The following PXK variants were observed in gnomAD, a reference collection of about 807,000 sequenced individuals.
The protein encoded by PXK is PX domain containing serine/threonine kinase like.
In PXK, 35 loss-of-function variants were observed where a neutral mutation model predicts 84.7. That is an observed-to-expected ratio of 0.41 (90% CI 0.32 to 0.55). The LOEUF (loss-of-function observed/expected upper bound fraction) is 0.55, where lower values mean the gene tolerates loss of function less well. Ranked by LOEUF, PXK falls within the 20% of genes least tolerant of loss-of-function variation. The pLI is 0.21. For synonymous variants in PXK, 253 were observed against 260.8 expected (o/e 0.97, Z 0.29); for missense variants, 634 against 699.7 (o/e 0.91, Z 1.06).
At chr3:58,342,965 C>T (rs935936976) in intron 1 of PXK, among the ~76,000 whole-genome samples, 1 of 152,200 alleles carries the variant, frequency 6.6e-6, no homozygotes, top group African/African-American at 2.4e-5. Context: ...GTCGCAGCAC[C>T]TCTTTATAAT....
intron 1 of PXK, among the ~76,000 whole-genome samples, chr3:58,336,053 ATATATATATATATATATATTTT>A (rs576853513): frequency 0.078 from 4,799 of 61,202 alleles, 218 homozygotes; most frequent in Admixed American, 0.11. Flanking sequence ...ATATATATAT[ATATATATATATATATATATTTT>A]TTTTTTTTTT....
chr3:58,420,723 A>G, intron 17 of PXK: 7 of 1,447,530 alleles, frequency 4.8e-6, no homozygotes, highest in Admixed American at 2.7e-5. Flanking sequence ...GAAATACAGC[A>G]TCTTTAAAAA....
rs1426785440 is a variant in PXK, at chr3:58,383,059, A to G, written c.388+359A>G. 1.3e-5 allele frequency among the ~76,000 whole-genome samples: 2 copies of G among 152,246 alleles called. No individual in the cohort carries two copies. Among genetic ancestry groups the G allele is most frequent in the Non-Finnish European group, 2.9e-5 (2 of 68,048 alleles). ...ATAATCCCAGCACTTTGGGAGGCCA[A>G]GGCGGTTGGATCACCTGAGGTCAGG... On this transcript the variant is annotated intron_variant, in intron 4 of 17. Transcript: ENST00000356151. This position sits in a 1 kb window ranked among gnomAD's most constrained non-coding sequence, Gnocchi z 4.0.
At chr3:58,338,210 A>G (rs934963198) in intron 1 of PXK, among the ~76,000 whole-genome samples, 5 of 151,678 alleles carry the variant, frequency 3.3e-5, no homozygotes, top group Non-Finnish European at 7.4e-5. Flanking sequence ...GCGTGGTGGC[A>G]CATGGCTGTC....
At chr3:58,420,696 T>C in intron 17 of PXK, 1 of 1,488,454 alleles carries the variant, frequency 6.7e-7, no homozygotes. Context: ...ACTATTTCCT[T>C]ATCTGAATAT....
chr3:58,413,171 G>C, intron 17 of PXK: 1 of 609,906 alleles, frequency 1.6e-6, no homozygotes, highest in South Asian at 2.0e-5. Context: ...GGAATGGACC[G>C]GTTTCAGGGC....
At chr3:58,405,400 C>T (rs9844128) in intron 13 of PXK, among the ~76,000 whole-genome samples, 10,668 of 152,096 alleles carry the variant, frequency 0.07, 480 homozygotes, top group South Asian at 0.1. Context: ...AGAAATGGCC[C>T]GGGCGTGGTG....
At chr3:58,372,707 A>G (rs2098393448) in intron 3 of PXK, among the ~76,000 whole-genome samples, 1 of 151,112 alleles carries the variant, frequency 6.6e-6, no homozygotes, top group East Asian at 1.9e-4. Context: ...GCTCACTGCA[A>G]TCTCTGCCTC....
chr3:58,387,135 G>A (rs1576409020), intron 4 of PXK, among the ~76,000 whole-genome samples: 1 of 152,138 alleles, frequency 6.6e-6, no homozygotes, highest in African/African-American at 2.4e-5. Context: ...GGGGCGCCTG[G>A]TACAACTGAG....
chr3:58,390,979 A>C lies in PXK; in HGVS notation c.467-168A>C, dbSNP rs1348283088. ...ATTTCTTCATTTACTGTTTCTTTTT[A>C]AGTATAGCCTTTACTATGCCAACGT... On this transcript the variant is annotated intron_variant, in intron 5 of 17. Coordinates refer to ENST00000356151, the MANE Select transcript of PXK (RefSeq NM_017771.5). The surrounding 1 kb of genome is among the most constrained non-coding windows in gnomAD (Gnocchi z 4.2). Among the ~76,000 whole-genome samples the C allele has an allele frequency of 6.6e-6, 1 of 152,096 alleles. No individual in the cohort carries two copies. The highest frequency in any genetic ancestry group is 1.5e-5 in the Non-Finnish European group (1 of 68,018).
Position 58,385,065 on chromosome 3 carries a change from T to C in PXK, c.388+2365T>C, listed in dbSNP as rs11130633. Among the ~76,000 whole-genome samples, 92,713 of 151,962 alleles carry C rather than the reference T, an allele frequency of 0.61. 29,324 individuals carry two copies. The highest frequency in any genetic ancestry group is 0.81 in the East Asian group (4,169 of 5,178). On this transcript the variant is annotated intron_variant, in intron 4 of 17. Transcript: ENST00000356151. The surrounding 1 kb of genome is among the most constrained non-coding windows in gnomAD (Gnocchi z 5.1). ...GAAGGTTGTCTATTCTGACAGTTGT[T>C]GGTTCTCTGCTTTTTTCTGTACCTG...
At chr3:58,375,683 A>C (rs776751439) in intron 3 of PXK, among the ~76,000 whole-genome samples, 7 of 152,228 alleles carry the variant, frequency 4.6e-5, no homozygotes, top group Non-Finnish European at 1.0e-4. Context: ...TGTACAGGTT[A>C]GGTGAACCAG....
intron 8 of PXK, 61 bp downstream of exon 8, chr3:58,395,163 T>C (rs1013884914): frequency 8.8e-6 from 11 of 1,246,992 alleles, no homozygotes; most frequent in Admixed American, 1.7e-5. Flanking sequence ...CTGTTATTGA[T>C]ACTTAGTCTC....
intron 1 of PXK, among the ~76,000 whole-genome samples, chr3:58,365,308 G>A (rs915986829): frequency 1.3e-5 from 2 of 152,228 alleles, no homozygotes; most frequent in Middle Eastern, 3.4e-3. Flanking sequence ...GTTTCCAACT[G>A]TTGTGGAGAT....
intron 1 of PXK, among the ~76,000 whole-genome samples, chr3:58,350,255 A>G (rs1176411608): frequency 6.6e-6 from 1 of 152,168 alleles, no homozygotes; most frequent in Non-Finnish European, 1.5e-5. Context: ...ACTTGTACAT[A>G]ACTTCTAGGT....
rs139370668 is a variant in PXK at position 58,403,734 on chromosome 3, C to T, written c.1182-128C>T. The T allele has an allele frequency of 2.6e-3, 1,156 of 445,446 alleles. 3 individuals carry two copies. Among genetic ancestry groups the T allele is most frequent in the Non-Finnish European group, 3.5e-3 (903 of 255,144 alleles). 27.6% of individuals were successfully genotyped at this position (445,446 alleles called of 1,614,324 possible). A position where few individuals can be genotyped will look rare whatever the true frequency, so the allele number is the denominator to read the frequency against. ...ATGAACATGGAATGGTGGATTGGGC[C>T]AGGGGCTGGAGGATGTGGTGCAGGG... On this transcript the variant is annotated intron_variant, in intron 12 of 17. Transcript: ENST00000356151.
At chr3:58,356,676 T>C (rs1320207527) in intron 1 of PXK, among the ~76,000 whole-genome samples, 1 of 151,748 alleles carries the variant, frequency 6.6e-6, no homozygotes, top group Non-Finnish European at 1.5e-5. Flanking sequence ...CAATCTCGGC[T>C]CACCACAACC....
chr3:58,342,168 A>G (rs1329876020), intron 1 of PXK, among the ~76,000 whole-genome samples: 1 of 152,182 alleles, frequency 6.6e-6, no homozygotes, highest in Admixed American at 6.5e-5. Flanking sequence ...GAATTGTTTC[A>G]GAAAGTATTC....
intron 3 of PXK, among the ~76,000 whole-genome samples, chr3:58,378,553 T>A (rs865791181): frequency 3.0e-5 from 4 of 131,388 alleles, no homozygotes; most frequent in East Asian, 2.3e-4. Flanking sequence ...TGTGTGTGTG[T>A]GACGAAGTTT....
Sources: allele counts gnomAD v4.1 joint callset (sites outside exome capture counted in the v4.1 genomes callset), GRCh38; gene constraint gnomAD v4.1.1; non-coding constraint Gnocchi (gnomAD v3.1); transcripts MANE v1.5; gene names NCBI Gene and HGNC (gene_info 2026-07-23, HGNC 2026-07-21).